The following PLCXD2 variants were observed in gnomAD, a reference collection of about 807,000 sequenced individuals.
PLCXD2 encodes the protein phosphatidylinositol specific phospholipase C X domain containing 2.
Under a neutral mutation model 28.6 loss-of-function variants are expected in PLCXD2, and 21 were observed. The ratio of observed to expected loss-of-function variants is 0.73; its 90% CI spans 0.52 to 1.06. The LOEUF (loss-of-function observed/expected upper bound fraction) is 1.06. Among genes scored for constraint, PLCXD2 ranks in the 50% least tolerant of loss-of-function variants. The pLI is 0.00. For missense variants in PLCXD2, 369 were observed against 376.7 expected (o/e 0.98, Z 0.17); for synonymous variants, 140 against 150.1 (o/e 0.93, Z 0.49).
intron 3 of PLCXD2, chr3:111,721,020 G>A (rs1373479829): frequency 2.5e-6 from 1 of 397,664 alleles, no homozygotes; most frequent in African/African-American, 2.1e-5. Context: ...TTCCTCACAG[G>A]GCCATTTAGA....
chr3:111,675,294 T>A lies in PLCXD2; in HGVS notation c.49T>A (p.Cys17Ser). Reference sequence around the variant, plus strand: ...GAGGAAACTCAGGATGGGGACCATCTGCTCCCCCAACCCCAGCGGGACAAA... The same window carrying A: ...GAGGAAACTCAGGATGGGGACCATCAGCTCCCCCAACCCCAGCGGGACAAA... The change falls in exon 1 of 5, where the codon TGC (cysteine) becomes AGC (serine). Residue 17 changes from cysteine (C) to serine (S), a missense_variant. Cys to Ser is a moderately radical substitution (Grantham distance 112). Transcript: ENST00000477665. 6.2e-7 allele frequency: 1 copy of A among 1,614,144 alleles called. No homozygotes were observed. Among genetic ancestry groups the A allele is most frequent in the Non-Finnish European group, 8.5e-7 (1 of 1,180,020 alleles).
chr3:111,718,531 A>AGATAGATT (rs1482947112), intron 3 of PLCXD2, among the ~76,000 whole-genome samples: 18 of 112,464 alleles, frequency 1.6e-4, no homozygotes, highest in African/African-American at 5.8e-4. Context: ...ATAGATAGAT[A>AGATAGATT]GATTGATTGA....
intron 1 of PLCXD2, among the ~76,000 whole-genome samples, chr3:111,706,836 G>C (rs1190333295): frequency 6.9e-6 from 1 of 145,488 alleles, no homozygotes; most frequent in Non-Finnish European, 1.5e-5. Context: ...AACACAAAGA[G>C]AAAGAAGGTC....
Position 111,708,236 on chromosome 3 carries a change from C to T in PLCXD2, c.474C>T (p.Ile158=), listed in dbSNP as rs756648742. The change falls in exon 2 of 5, where the codon ATC becomes ATT. Residue 158 remains isoleucine (I), a synonymous_variant. Transcript: ENST00000477665. ...TTACACAGCACCCCCAGGAGATTAT[C>T]TTCCTGGATTTCAACCACTTCTATG... The T allele has an allele frequency of 3.7e-6, 6 of 1,614,174 alleles. No individual in the cohort carries two copies. In the South Asian group the frequency reaches 6.6e-5, roughly 18 times the overall value.
intron 3 of PLCXD2, chr3:111,723,378 A>G (rs1230090117): frequency 6.6e-6 from 1 of 152,202 alleles, no homozygotes; most frequent in Admixed American, 6.5e-5. Context: ...TCTTAAATAT[A>G]TGGTTGCACT....
chr3:111,716,473 C>T (rs111693634), intron 3 of PLCXD2, among the ~76,000 whole-genome samples: 2 of 152,104 alleles, frequency 1.3e-5, no homozygotes, highest in South Asian at 2.1e-4. Flanking sequence ...GGTTCAACAC[C>T]GTAGAAGGAA....
intron 3 of PLCXD2, among the ~76,000 whole-genome samples, chr3:111,717,708 T>G (rs143154308): frequency 5.9e-5 from 9 of 152,200 alleles, no homozygotes; most frequent in Admixed American, 5.2e-4. Flanking sequence ...CTCATTTCCC[T>G]GTAATGACCA....
At chr3:111,695,677 G>GGT (rs1940951011) in intron 1 of PLCXD2, among the ~76,000 whole-genome samples, 2 of 152,158 alleles carry the variant, frequency 1.3e-5, no homozygotes, top group South Asian at 4.1e-4. Context: ...ATCTGTTGAT[G>GGT]GTTATATTGG....
chr3:111,699,912 C>T (rs780159193), intron 1 of PLCXD2, among the ~76,000 whole-genome samples: 1 of 152,184 alleles, frequency 6.6e-6, no homozygotes, highest in Admixed American at 6.5e-5. Context: ...TCTACCAATA[C>T]ATGGGAAAGG....
Position 111,675,394 on chromosome 3 carries a change from A to G in PLCXD2, c.149A>G (p.Asn50Ser), listed in dbSNP as rs764078022. ...CACCTCCACAACCTCCCCCTTTCCA[A>G]TCTGGCAATCCCAGGTATTCGTCTA... Residue 50 changes from asparagine (N) to serine (S), a missense_variant, in exon 1 of 5, where the codon AAT becomes AGT. Coordinates refer to ENST00000477665, the MANE Select transcript of PLCXD2 (RefSeq NM_001185106.1). 20 of 1,613,814 alleles carry G rather than the reference A, an allele frequency of 1.2e-5. No homozygotes were observed. The highest frequency in any genetic ancestry group is 2.2e-5 in the South Asian group (2 of 91,068).
At chr3:111,721,291 A>T (rs1941342526) in intron 3 of PLCXD2, 1 of 152,488 alleles carries the variant, frequency 6.6e-6, no homozygotes, top group Non-Finnish European at 1.5e-5. Context: ...ATTCCTGGTG[A>T]AAAAGACTGG....
intron 1 of PLCXD2, chr3:111,677,411 A>G (rs1437508125): frequency 6.6e-6 from 1 of 152,176 alleles, no homozygotes; most frequent in East Asian, 1.9e-4. Context: ...TATAGTAGGC[A>G]TTTGGGAAAT....
intron 1 of PLCXD2, among the ~76,000 whole-genome samples, chr3:111,681,804 C>A: frequency 6.6e-6 from 1 of 152,182 alleles, no homozygotes; most frequent in East Asian, 1.9e-4. Context: ...GTTTCTAACA[C>A]GTGATCTGAC....
chr3:111,685,162 A>G (rs2107842241), intron 1 of PLCXD2, among the ~76,000 whole-genome samples: 1 of 152,312 alleles, frequency 6.6e-6, no homozygotes, highest in African/African-American at 2.4e-5. Context: ...CAATTTGCCC[A>G]ACCTTCTACC....
chr3:111,710,496 A>T (rs983095428), intron 2 of PLCXD2, among the ~76,000 whole-genome samples: 2 of 152,150 alleles, frequency 1.3e-5, no homozygotes, highest in African/African-American at 4.8e-5. Flanking sequence ...TGAGGTATGG[A>T]GACACTAAGC....
At chr3:111,710,505 G>A (rs1215695782) in intron 2 of PLCXD2, among the ~76,000 whole-genome samples, 1 of 152,174 alleles carries the variant, frequency 6.6e-6, no homozygotes, top group Non-Finnish European at 1.5e-5. Flanking sequence ...GAGACACTAA[G>A]CAACTCACCC....
rs751382320 is a variant in PLCXD2 at position 111,707,910 on chromosome 3, G to A, written c.164-16G>A. On this transcript the variant is annotated splice_polypyrimidine_tract_variant and intron_variant, in intron 1 of 4. Transcript: ENST00000477665. ...CCCGTCTCATCTGCTTTCCTCACCT[G>A]TATTCCTTTGTACAGGCTCACATGA... 22 of 1,599,336 alleles carry A rather than the reference G, an allele frequency of 1.4e-5. No homozygotes were observed. In the South Asian group the frequency reaches 1.7e-4, roughly 12 times the overall value.
At chr3:111,725,506 G>A (rs1296049724) in intron 3 of PLCXD2, 1 of 397,148 alleles carries the variant, frequency 2.5e-6, no homozygotes, top group East Asian at 3.6e-5. Flanking sequence ...GTAGCTTCTG[G>A]ATTCCCCAGT....
At chr3:111,692,649 G>C (rs1423874716) in intron 1 of PLCXD2, 1 of 152,202 alleles carries the variant, frequency 6.6e-6, no homozygotes, top group East Asian at 1.9e-4. Context: ...TTTATTTATT[G>C]AGAGGGTAAC....
Sources: gnomAD v4.1 joint callset for allele counts (sites outside exome capture counted in the v4.1 genomes callset) on GRCh38, gnomAD v4.1.1 for gene constraint, MANE v1.5 for transcripts, NCBI Gene and HGNC (gene_info 2026-07-23, HGNC 2026-07-21) for gene names.